The following PTPRG variants were observed in gnomAD, a reference collection of about 807,000 sequenced individuals.
PTPRG encodes the protein receptor-type tyrosine-protein phosphatase gamma.
A neutral mutation model predicts 165.3 loss-of-function variants in PTPRG; 102 were observed. The observed-to-expected ratio is 0.62, with a 90% confidence interval of 0.53 to 0.73. PTPRG has a LOEUF of 0.73. PTPRG is among the 30% of genes least tolerant of loss of function. The pLI, the probability that PTPRG is intolerant of heterozygous loss-of-function variation, is 0.00. For synonymous variants in PTPRG, 675 were observed against 669.5 expected (o/e 1.01, Z -0.13); for missense variants, 1,866 against 1,861.4 (o/e 1.00, Z -0.05).
At chr3:62,176,731 A>G (rs1705440705) in intron 8 of PTPRG, among the ~76,000 whole-genome samples, 1 of 152,116 alleles carries the variant, frequency 6.6e-6, no homozygotes, top group Non-Finnish European at 1.5e-5. Context: ...CCGTGGGGCC[A>G]TTTAGGCAGA....
chr3:62,106,892 A>G (rs76182285), intron 5 of PTPRG, among the ~76,000 whole-genome samples: 1,887 of 152,328 alleles, frequency 0.012, 42 homozygotes, highest in African/African-American at 0.042. Flanking sequence ...CTAAGGAATC[A>G]TATGGTTTCC....
At chr3:62,172,254 G>T (rs892698688) in intron 8 of PTPRG, among the ~76,000 whole-genome samples, 1 of 152,062 alleles carries the variant, frequency 6.6e-6, no homozygotes, top group Non-Finnish European at 1.5e-5. Flanking sequence ...AAGTCTTTTA[G>T]ATGTAAACCT....
intron 2 of PTPRG, among the ~76,000 whole-genome samples, chr3:61,983,741 G>A (rs537384770): frequency 2.0e-5 from 3 of 152,250 alleles, no homozygotes; most frequent in African/African-American, 2.4e-5. Context: ...TCTTAGGTCA[G>A]TTATTAACAG....
chr3:61,683,569 C>A (rs529853458), intron 1 of PTPRG, among the ~76,000 whole-genome samples: 1 of 152,198 alleles, frequency 6.6e-6, no homozygotes, highest in Non-Finnish European at 1.5e-5. Flanking sequence ...GAGTTTGTGG[C>A]CTTTTCTAAA....
chr3:61,727,110 T>C (rs1172201577), intron 1 of PTPRG, among the ~76,000 whole-genome samples: 1 of 152,176 alleles, frequency 6.6e-6, no homozygotes, highest in African/African-American at 2.4e-5. Flanking sequence ...TGTGGCATTT[T>C]TCTGAGTGCT....
chr3:61,656,936 G>C (rs1174266257), intron 1 of PTPRG, among the ~76,000 whole-genome samples: 1 of 152,190 alleles, frequency 6.6e-6, no homozygotes, highest in Non-Finnish European at 1.5e-5. Context: ...TCTAGAACCT[G>C]TGTAGGGGAG....
At chr3:61,746,017 G>A (rs1424407802) in intron 1 of PTPRG, among the ~76,000 whole-genome samples, 2 of 150,412 alleles carry the variant, frequency 1.3e-5, no homozygotes, top group Non-Finnish European at 3.0e-5. Flanking sequence ...TTTTATTTTA[G>A]TTATTTTATT....
intron 2 of PTPRG, among the ~76,000 whole-genome samples, chr3:61,989,349 C>A (rs2040831586): frequency 6.6e-6 from 1 of 152,168 alleles, no homozygotes; most frequent in Admixed American, 6.5e-5. Flanking sequence ...ATATGGACAA[C>A]CCTAATAGCC....
chr3:61,849,052 G>A (rs1207046686), intron 2 of PTPRG, among the ~76,000 whole-genome samples: 1 of 152,074 alleles, frequency 6.6e-6, no homozygotes, highest in East Asian at 1.9e-4. Flanking sequence ...TGCAGTCTTT[G>A]GAGTACACTG....
chr3:61,923,567 C>A, intron 2 of PTPRG, among the ~76,000 whole-genome samples: 1 of 137,990 alleles, frequency 7.2e-6, no homozygotes, highest in Non-Finnish European at 1.6e-5. Context: ...TCCCCCCACC[C>A]CACAACAGCC....
At chr3:61,699,359 G>A (rs1042160936) in intron 1 of PTPRG, among the ~76,000 whole-genome samples, 1 of 152,054 alleles carries the variant, frequency 6.6e-6, no homozygotes, top group Admixed American at 6.5e-5. Flanking sequence ...AACTGCTTTT[G>A]CATTCAATCT....
At chr3:61,953,630 C>T (rs1052723143) in intron 2 of PTPRG, among the ~76,000 whole-genome samples, 1 of 152,124 alleles carries the variant, frequency 6.6e-6, no homozygotes, top group Non-Finnish European at 1.5e-5. Flanking sequence ...GGTTCCTTTC[C>T]TGCTGCTTGT....
chr3:61,812,817 C>T (rs367748530), intron 2 of PTPRG, among the ~76,000 whole-genome samples: 18 of 152,148 alleles, frequency 1.2e-4, no homozygotes, highest in Non-Finnish European at 2.5e-4. Flanking sequence ...GAGGGCATTG[C>T]GGCAGAGAAA....
chr3:61,672,761 AGAAGAGGGAGAGGGAGAGAGG>A (rs1183726059), intron 1 of PTPRG, among the ~76,000 whole-genome samples: 8 of 84,968 alleles, frequency 9.4e-5, no homozygotes, highest in Non-Finnish European at 2.0e-4. Context: ...AGGGAGAGGG[AGAAGAGGGAGAGGGAGAGAGG>A]GAGAGAGAGG....
rs146458449 is a variant in PTPRG, at chr3:61,694,365, A to G, written c.86-54513A>G. ...AACCACAGTGAGGTAACACTATCTC[A>G]TGTTGATTGGCGAAGATCAAAATGT... On this transcript the variant is annotated intron_variant, in intron 1 of 29. Transcript: ENST00000474889. Among the ~76,000 whole-genome samples, 253 of 152,212 alleles carry G rather than the reference A, an allele frequency of 1.7e-3. 1 individual carries two copies. Among genetic ancestry groups the G allele is most frequent in the Middle Eastern group, 0.01 (3 of 294 alleles).
At chr3:61,968,303 T>C (rs1377766678) in intron 2 of PTPRG, among the ~76,000 whole-genome samples, 1 of 152,196 alleles carries the variant, frequency 6.6e-6, no homozygotes, top group African/African-American at 2.4e-5. Context: ...CTAAATGGCT[T>C]CTATTTCAGA....
At chr3:61,781,816 C>G (rs2034551944) in intron 2 of PTPRG, among the ~76,000 whole-genome samples, 1 of 151,786 alleles carries the variant, frequency 6.6e-6, no homozygotes, top group African/African-American at 2.4e-5. Flanking sequence ...TAGCCTCAGC[C>G]TCCCAGGCTC....
chr3:61,654,881 A>G (rs1702466248), intron 1 of PTPRG, among the ~76,000 whole-genome samples: 2 of 149,346 alleles, frequency 1.3e-5, no homozygotes, highest in South Asian at 4.2e-4. Flanking sequence ...TCCCGGGTTC[A>G]AGAGATTCTT....
chr3:61,604,253 G>A (rs1374387349), intron 1 of PTPRG, among the ~76,000 whole-genome samples: 1 of 152,244 alleles, frequency 6.6e-6, no homozygotes, highest in Non-Finnish European at 1.5e-5. Context: ...GGACCTGGGA[G>A]GCGGAGGTTG....
Sources: gnomAD v4.1 joint callset for allele counts (sites outside exome capture counted in the v4.1 genomes callset) on GRCh38, gnomAD v4.1.1 for gene constraint, MANE v1.5 for transcripts, NCBI Gene and HGNC (gene_info 2026-07-23, HGNC 2026-07-21) for gene names.